PES1: variants seen among roughly 807,000 people sequenced by gnomAD.
The protein encoded by PES1 is pescadillo ribosomal biogenesis factor 1, also known as pescadillo homolog.
Under a neutral mutation model 77.1 loss-of-function variants are expected in PES1, and 31 were observed. The observed-to-expected ratio is 0.40, with a 90% confidence interval of 0.30 to 0.54. The LOEUF (loss-of-function observed/expected upper bound fraction) is 0.54, where lower values mean the gene tolerates loss of function less well. Ranked by LOEUF, PES1 falls within the 20% of genes least tolerant of loss-of-function variation. The probability of loss-of-function intolerance (pLI) is 0.45; values close to 1 mark genes in which losing one functional copy is unlikely to be tolerated. For synonymous variants in PES1, 282 were observed against 303.0 expected (o/e 0.93, Z 0.72); for missense variants, 658 against 771.7 (o/e 0.85, Z 1.75).
rs377445073 is a variant in PES1 at position 30,582,215 on chromosome 22, C to T, written c.631-571G>A. The stretch of plus-strand genomic sequence containing the variant: ...TTGGGAAGGCCAGGCCCAGCGGGGG[C>T]GGGGGAAGCATGGGGCTCAGGCCGC... On this transcript the variant is annotated intron_variant, in intron 6 of 14. Coordinates refer to ENST00000354694, the MANE Select transcript of PES1 (RefSeq NM_014303.4). Among the ~76,000 whole-genome samples, 163 of 152,298 alleles carry T rather than the reference C, an allele frequency of 1.1e-3. 5 individuals carry two copies. In the South Asian group the frequency reaches 0.032, roughly 30 times the overall value.
intron 6 of PES1, among the ~76,000 whole-genome samples, chr22:30,583,783 A>C (rs1569023600): frequency 6.6e-6 from 1 of 152,198 alleles, no homozygotes; most frequent in African/African-American, 2.4e-5. Context: ...AGAAAACAAT[A>C]TATGTAGGAA....
intron 2 of PES1, among the ~76,000 whole-genome samples, chr22:30,604,942 C>G (rs1271597155): frequency 1.3e-5 from 2 of 152,074 alleles, no homozygotes; most frequent in Admixed American, 6.6e-5. Flanking sequence ...CATTCCCTGA[C>G]CACATGACCT....
At chr22:30,586,433 A>G (rs896034360) in intron 4 of PES1, among the ~76,000 whole-genome samples, 1 of 152,210 alleles carries the variant, frequency 6.6e-6, no homozygotes, top group Non-Finnish European at 1.5e-5. Context: ...TTCCTGGGCC[A>G]TCAGCCTCCA....
chr22:30,585,885 G>A (rs2087079874), intron 4 of PES1, among the ~76,000 whole-genome samples: 1 of 152,172 alleles, frequency 6.6e-6, no homozygotes, highest in South Asian at 2.1e-4. Flanking sequence ...CAAGATGCAA[G>A]AAAGGCCTGC....
Position 30,584,652 on chromosome 22 carries a change from G to A in PES1, c.434C>T (p.Ser145Phe), listed in dbSNP as rs1172610740. 4.3e-6 allele frequency: 7 copies of A among 1,613,886 alleles called. No homozygotes were observed. Among genetic ancestry groups the A allele is most frequent in the Non-Finnish European group, 5.9e-6 (7 of 1,180,032 alleles). The change falls in exon 5 of 15, where the codon TCC (serine) becomes TTC (phenylalanine). Residue 145 changes from serine (S) to phenylalanine (F), a missense_variant. Physicochemically the swap from Ser to Phe is radical, Grantham distance 155. Transcript: ENST00000354694. The part of the protein sequence containing the change: ...DDALSMCFLF[S>F]TFPRTGKCHV... ...GCACTTGCCAGTCCGCGGGAAGGTGGAAAACAGGAAGCACATGGAGAGGGC... is the reference window on the plus strand; with the variant it reads ...GCACTTGCCAGTCCGCGGGAAGGTGAAAAACAGGAAGCACATGGAGAGGGC...
Position 30,589,264 on chromosome 22 carries a change from G to C in PES1, c.31C>G (p.Arg11Gly). Residue 11 changes from arginine to glycine, a missense_variant, in exon 2 of 15, where the codon CGA (arginine) becomes GGA (glycine). Physicochemically the swap from Arg to Gly is moderately radical, Grantham distance 125. Transcript: ENST00000354694. MGGLEKKKYERGSATNYITRN... is the reference protein window; with the variant it reads MGGLEKKKYEGGSATNYITRN... ...GTGATGTAGTTGGTGGCCGAGCCTC[G>C]TTCATACTGGGAGAGGAAAAAAACA... The C allele has an allele frequency of 6.2e-7, 1 of 1,613,158 alleles. No homozygotes were observed. The highest frequency in any genetic ancestry group is 8.5e-7 in the Non-Finnish European group (1 of 1,179,464).
At chr22:30,585,981 T>C (rs1204387403) in intron 4 of PES1, among the ~76,000 whole-genome samples, 2 of 152,200 alleles carry the variant, frequency 1.3e-5, no homozygotes, top group Admixed American at 6.5e-5. Context: ...TGGTGCCTTG[T>C]AGTTTCCTCA....
chr22:30,604,722 T>G (rs1431707495), intron 2 of PES1, among the ~76,000 whole-genome samples: 1 of 152,088 alleles, frequency 6.6e-6, no homozygotes, highest in Non-Finnish European at 1.5e-5. Context: ...GTTATCCCAG[T>G]CTAGTGGGAG....
At chr22:30,583,175 AGAG>A (rs1337340487) in intron 6 of PES1, among the ~76,000 whole-genome samples, 1 of 152,068 alleles carries the variant, frequency 6.6e-6, no homozygotes, top group Non-Finnish European at 1.5e-5. Context: ...AAGGAGGAGG[AGAG>A]GAGGGCTGGG....
chr22:30,579,302 T>A lies in PES1; in HGVS notation c.1356A>T (p.Gly452=), dbSNP rs780256126. 4 of 1,600,284 alleles carry A rather than the reference T, an allele frequency of 2.5e-6. No individual in the cohort carries two copies. Among genetic ancestry groups the A allele is most frequent in the Non-Finnish European group, 3.4e-6 (4 of 1,179,946 alleles). ...LLALQRGEDP[G]NLNESEEEEE... Reference sequence around the variant, plus strand: ...CCTCCTCTTCTGACTCATTCAGGTTTCCTAGAGAAAGCCAATGTCCTCTGA... The same window carrying A: ...CCTCCTCTTCTGACTCATTCAGGTTACCTAGAGAAAGCCAATGTCCTCTGA... Residue 452 remains glycine (G), a splice_region_variant and synonymous_variant, in exon 13 of 15, where the codon GGA becomes GGT. Transcript: ENST00000354694.
At chr22:30,587,550 G>T (rs572766215) in intron 3 of PES1, among the ~76,000 whole-genome samples, 155 bp from the exon 4 acceptor site, 1 of 152,174 alleles carries the variant, frequency 6.6e-6, no homozygotes. Flanking sequence ...TGCCCAGGAT[G>T]AGCAAAAGAG....
At chr22:30,589,299 T>C (rs1274632790) in intron 1 of PES1, 29 bp from the exon 2 acceptor site, 3 of 1,564,690 alleles carry the variant, frequency 1.9e-6, no homozygotes, top group Non-Finnish European at 2.6e-6. Flanking sequence ...AATTCTCCAT[T>C]AGCAATGATT....
At chr22:30,582,653 G>A (rs987935536) in intron 6 of PES1, among the ~76,000 whole-genome samples, 12 of 152,144 alleles carry the variant, frequency 7.9e-5, no homozygotes, top group African/African-American at 2.9e-4. Flanking sequence ...CATGGGTGCC[G>A]GGTGTGCCCA....
Position 30,584,415 on chromosome 22 carries a change from C to G in PES1, c.580G>C (p.Val194Leu). ...SIKGIYYQAE[V>L]LGQPIVWITP... is the part of the protein sequence containing the mutation. ...ATCCACACGATGGGCTGCCCCAGTA[C>G]CTCGGCCTGGTAGTAAATGCCTTTG... Residue 194 changes from valine to leucine, a missense_variant, in exon 6 of 15, where the codon GTA becomes CTA. Physicochemically the swap from Val to Leu is conservative, Grantham distance 32. Transcript: ENST00000354694. The G allele has an allele frequency of 6.2e-7, 1 of 1,612,666 alleles. No individual in the cohort carries two copies. The highest frequency in any genetic ancestry group is 8.5e-7 in the Non-Finnish European group (1 of 1,179,348).
At chr22:30,580,492 T>C in intron 10 of PES1, 79 bp downstream of exon 10, 1 of 1,555,774 alleles carries the variant, frequency 6.4e-7, no homozygotes, top group South Asian at 1.2e-5. Context: ...ATCCCAATGT[T>C]ACCGATGGGC....
rs527458029 is a variant in PES1, at chr22:30,597,884, T to G, written c.-660-5486A>C. On this transcript the variant is annotated intron_variant, in intron 2 of 16. Coordinates refer to the PES1 transcript ENST00000402281. The stretch of plus-strand genomic sequence containing the variant: ...TTTTTCCACGCAGTTGAAGTTTTGT[T>G]TTTTTTTTTTTTGTTTTGAGTCGGA... Among the ~76,000 whole-genome samples the G allele has an allele frequency of 6.5e-4, 92 of 142,628 alleles. 4 individuals are homozygous for G. The South Asian group carries it at 0.019, about 30-fold the overall frequency. 93.6% of individuals were successfully genotyped at this position (142,628 alleles called of 152,430 possible). A position where few individuals can be genotyped will look rare whatever the true frequency, so the allele number is the denominator to read the frequency against.
intron 3 of PES1, 41 bp from the exon 4 acceptor site, chr22:30,587,436 G>T: frequency 6.8e-7 from 1 of 1,469,182 alleles, no homozygotes; most frequent in Non-Finnish European, 9.5e-7. Context: ...TGAGGCTCAG[G>T]TCTCCTGGAC....
chr22:30,599,848 C>T (rs938233322), intron 2 of PES1, among the ~76,000 whole-genome samples: 3 of 151,794 alleles, frequency 2.0e-5, no homozygotes, highest in African/African-American at 4.8e-5. Context: ...TGCGGTGAGC[C>T]GAGATTGAGC....
At position 30,602,972 on chromosome 22, in the gene PES1, G is replaced by A. The variant is rs138332566; in HGVS notation, c.-661+2489C>T. 4.5e-3 allele frequency among the ~76,000 whole-genome samples: 678 copies of A among 151,378 alleles called. 1 individual carries two copies. Among genetic ancestry groups the A allele is most frequent in the Admixed American group, 0.011 (167 of 15,222 alleles). ...GTTGTCCAGGCTGGAGTGCAGTGGC[G>A]TAATCTTGGCTCACTGCAACCTCTA... On this transcript the variant is annotated intron_variant, in intron 2 of 16. Coordinates refer to the PES1 transcript ENST00000402281.
Sources: gnomAD v4.1 joint callset for allele counts (sites outside exome capture counted in the v4.1 genomes callset) on GRCh38, gnomAD v4.1.1 for gene constraint, MANE v1.5 for transcripts, NCBI Gene and HGNC (gene_info 2026-07-23, HGNC 2026-07-21) for gene names.